Variants in SHMT1 observed in about 807,000 individuals in gnomAD.
SHMT1 encodes serine hydroxymethyltransferase 1.
SHMT1 carries 45 observed loss-of-function variants against 49.0 expected under a neutral mutation model. The ratio of observed to expected loss-of-function variants is 0.92; its 90% CI spans 0.72 to 1.18. SHMT1 has a LOEUF of 1.18. SHMT1 is among the 50% of genes most tolerant of loss of function. The pLI is 0.00. For missense variants in SHMT1, 541 were observed against 612.4 expected, an observed-to-expected ratio of 0.88 and a Z score of 1.23; for synonymous variants, 232 against 246.6, an observed-to-expected ratio of 0.94 and a Z score of 0.55.
intron 1 of SHMT1, among the ~76,000 whole-genome samples, chr17:18,357,360 T>C (rs1033028817): frequency 1.3e-5 from 2 of 151,206 alleles, no homozygotes; most frequent in African/African-American, 2.4e-5. Context: ...ACAATTCCAC[T>C]GGCAGGGAAC....
intron 3 of SHMT1, 165 bp downstream of exon 3, chr17:18,353,506 CA>C: frequency 1.3e-6 from 1 of 798,066 alleles, no homozygotes. Context: ...TCAGTGTTAT[CA>C]CATGCTGGGA....
chr17:18,353,335 C>T (rs1985907447), intron 3 of SHMT1, among the ~76,000 whole-genome samples: 2 of 152,162 alleles, frequency 1.3e-5, no homozygotes, highest in South Asian at 2.1e-4. Context: ...CACATGGCAA[C>T]GGCCACCTTC....
chr17:18,355,853 T>C (rs573616865), intron 2 of SHMT1, 33 bp downstream of exon 2: 1 of 1,386,628 alleles, frequency 7.2e-7, no homozygotes, highest in East Asian at 2.3e-5. Flanking sequence ...GCCTCCAACA[T>C]AAAAAAATCT....
intron 4 of SHMT1, 109 bp downstream of exon 4, chr17:18,348,216 G>C: frequency 1.2e-6 from 1 of 809,044 alleles, no homozygotes; most frequent in East Asian, 2.7e-5. Flanking sequence ...CACTGGGCCC[G>C]GCCTATGGCA....
At chr17:18,348,465 A>C (rs1985337475) in intron 3 of SHMT1, 25 bp from the exon 4 acceptor site, 29 of 1,521,570 alleles carry the variant, frequency 1.9e-5, no homozygotes, top group Non-Finnish European at 2.6e-5. Flanking sequence ...CAGGAGACTT[A>C]GATCCACTCA....
At chr17:18,337,347 A>G (rs1983901132) in intron 7 of SHMT1, among the ~76,000 whole-genome samples, 2 of 152,250 alleles carry the variant, frequency 1.3e-5, no homozygotes, top group Admixed American at 1.3e-4. Flanking sequence ...CAGTGGGGGA[A>G]AAAACCAAAT....
intron 2 of SHMT1, among the ~76,000 whole-genome samples, chr17:18,355,050 CAAAAAAAAAAAAAAAAAA>C (rs768492183): frequency 1.6e-4 from 4 of 24,464 alleles, no homozygotes; most frequent in East Asian, 3.9e-3. Context: ...GACTATATCT[CAAAAAAAAAAAAAAAAAA>C]AAAAAAAAAA....
intron 7 of SHMT1, 128 bp from the exon 8 acceptor site, chr17:18,335,803 G>T: frequency 1.3e-6 from 1 of 778,558 alleles, no homozygotes; most frequent in South Asian, 1.4e-5. Flanking sequence ...ATGGAGAACT[G>T]ATTTGTAACA....
rs371587492 is a variant in SHMT1, at chr17:18,340,018, C to G, written c.814+25G>C. 1.9e-6 allele frequency: 3 copies of G among 1,603,014 alleles called. No homozygotes were observed. The Admixed American group carries it at 5.0e-5, about 27-fold the overall frequency. The stretch of plus-strand genomic sequence containing the variant: ...GAGAAATGTAAACCATGGTACCCAT[C>G]TGTACCCAACATTCGGGAGCTCACC... On this transcript the variant is annotated intron_variant, in intron 7 of 11. Transcript: ENST00000316694. The surrounding 1 kb of genome is among the most constrained non-coding windows in gnomAD (Gnocchi z 4.5).
intron 7 of SHMT1, among the ~76,000 whole-genome samples, chr17:18,339,451 T>C (rs1257559243): frequency 1.3e-5 from 2 of 152,154 alleles, no homozygotes; most frequent in African/African-American, 4.8e-5. Flanking sequence ...ACCGGCGCCA[T>C]CCTAACACAT....
intron 5 of SHMT1, among the ~76,000 whole-genome samples, chr17:18,345,403 G>A (rs1404952581): frequency 1.3e-5 from 2 of 151,938 alleles, no homozygotes; most frequent in Non-Finnish European, 2.9e-5. Flanking sequence ...GATTACAGGT[G>A]CCCGCCACCA....
chr17:18,336,952 TA>T (rs1201895645), intron 7 of SHMT1, among the ~76,000 whole-genome samples: 1 of 151,978 alleles, frequency 6.6e-6, no homozygotes, highest in Non-Finnish European at 1.5e-5. Flanking sequence ...TCCCCAAAAA[TA>T]AAATTTAAAG....
chr17:18,348,341 G>A lies in SHMT1; in HGVS notation c.342C>T (p.Asn114=), dbSNP rs376257532. 3.4e-5 allele frequency: 54 copies of A among 1,611,826 alleles called. No individual in the cohort carries two copies. Among genetic ancestry groups the A allele is most frequent in the Non-Finnish European group, 4.2e-5 (50 of 1,178,058 alleles). Residue 114 remains asparagine, a synonymous_variant, in exon 4 of 12, where the codon AAC becomes AAT. Transcript: ENST00000316694. ...GACAAGCACCTGAGTAGGGCTGGAC[G>A]TTGACCCCCCAGCACTGTGGGTCCA... ...YKLDPQCWGV[N]VQPYSGSPAN... is the part of the protein sequence containing the mutation.
chr17:18,338,349 C>T (rs1221665043), intron 7 of SHMT1, among the ~76,000 whole-genome samples: 11 of 151,310 alleles, frequency 7.3e-5, no homozygotes, highest in Non-Finnish European at 1.5e-4. Flanking sequence ...CTGCCCTGTC[C>T]GGCAGGTTGG....
At chr17:18,350,736 C>A (rs1985596994) in intron 3 of SHMT1, among the ~76,000 whole-genome samples, 1 of 145,038 alleles carries the variant, frequency 6.9e-6, no homozygotes, top group Admixed American at 6.9e-5. Context: ...ACACTGTTTT[C>A]TTTTTTTTTT....
intron 5 of SHMT1, among the ~76,000 whole-genome samples, chr17:18,345,756 C>T (rs910123671): frequency 1.3e-5 from 2 of 152,038 alleles, no homozygotes; most frequent in Non-Finnish European, 2.9e-5. Context: ...TCTTGGCTCA[C>T]TGCAACCTCC....
At chr17:18,335,428 G>A (rs1983677412) in intron 8 of SHMT1, 131 bp downstream of exon 8, 1 of 724,736 alleles carries the variant, frequency 1.4e-6, no homozygotes, top group African/African-American at 1.7e-5. Context: ...CCTACTCTGT[G>A]TTAGCATCTC....
intron 7 of SHMT1, 101 bp downstream of exon 7, chr17:18,339,942 C>T: frequency 8.7e-7 from 1 of 1,152,490 alleles, no homozygotes; most frequent in Non-Finnish European, 1.3e-6. Flanking sequence ...TTCCAAGGAT[C>T]CCAGGTCAGA....
intron 11 of SHMT1, 52 bp downstream of exon 11, chr17:18,329,224 CAG>C: frequency 7.6e-7 from 1 of 1,317,622 alleles, no homozygotes; most frequent in South Asian, 1.2e-5. Context: ...TCATCACAAT[CAG>C]AAACTAAATA....
Sources: gnomAD v4.1 joint callset for allele counts (sites outside exome capture counted in the v4.1 genomes callset) on GRCh38, gnomAD v4.1.1 for gene constraint, Gnocchi (gnomAD v3.1) non-coding constraint, MANE v1.5 for transcripts, NCBI Gene and HGNC (gene_info 2026-07-23, HGNC 2026-07-21) for gene names.